Variants in GAS7 observed in about 807,000 individuals in gnomAD.
The protein encoded by GAS7 is growth arrest-specific protein 7.
A neutral mutation model predicts 71.1 loss-of-function variants in GAS7; 28 were observed. The ratio of observed to expected loss-of-function variants is 0.39; its 90% CI spans 0.29 to 0.54. The LOEUF (loss-of-function observed/expected upper bound fraction) is 0.54, where lower values mean the gene tolerates loss of function less well. Ranked by LOEUF, GAS7 falls within the 20% of genes least tolerant of loss-of-function variation. The pLI is 0.62. For synonymous variants in GAS7, 258 were observed against 245.8 expected (o/e 1.05, Z -0.46); for missense variants, 436 against 627.8 (o/e 0.69, Z 3.27).
chr17:10,020,579 T>TA lies in GAS7; in HGVS notation c.184-683dup, dbSNP rs549731525. 4.1e-4 allele frequency among the ~76,000 whole-genome samples: 62 copies of TA among 151,750 alleles called. 1 individual carries two copies. In the East Asian group the frequency reaches 7.0e-3, roughly 17 times the overall value. On this transcript the variant is annotated intron_variant, in intron 1 of 13. Coordinates refer to ENST00000432992, the MANE Select transcript of GAS7 (RefSeq NM_201433.2). ...AAATCAGAGAAAAATGTATATGACA[T>TA]ACAAAGAAACTAGATATCTAGTAGA...
chr17:10,060,824 G>A (rs1016708820), intron 1 of GAS7, among the ~76,000 whole-genome samples: 8 of 152,162 alleles, frequency 5.3e-5, no homozygotes, highest in Admixed American at 2.0e-4. Context: ...GTGGCCCAGC[G>A]ATCCCACATG....
chr17:10,128,584 G>A (rs562768640), intron 1 of GAS7, among the ~76,000 whole-genome samples: 5 of 150,138 alleles, frequency 3.3e-5, no homozygotes, highest in South Asian at 2.1e-4. Flanking sequence ...TCCCTTGCCT[G>A]TTTTCATTTT....
chr17:9,928,990 T>G (rs1567784637), intron 9 of GAS7, among the ~76,000 whole-genome samples: 1 of 152,228 alleles, frequency 6.6e-6, no homozygotes, highest in East Asian at 1.9e-4. Flanking sequence ...AAATATGTCC[T>G]ACTATTTTTT....
chr17:9,918,589 A>G (rs2067677068), intron 12 of GAS7, among the ~76,000 whole-genome samples: 1 of 152,196 alleles, frequency 6.6e-6, no homozygotes, highest in Non-Finnish European at 1.5e-5. Flanking sequence ...TGGGAGCTCC[A>G]TGCCACACAT....
rs57604032 is a variant in GAS7 at position 10,154,913 on chromosome 17, T to TACACACACACACACAC, written c.183+43279_183+43294dup. 2.1e-3 allele frequency among the ~76,000 whole-genome samples: 294 copies of TACACACACACACACAC among 142,022 alleles called. 4 individuals are homozygous for TACACACACACACACAC. Among genetic ancestry groups the TACACACACACACACAC allele is most frequent in the African/African-American group, 7.5e-3 (284 of 38,002 alleles). 93.2% of individuals were successfully genotyped at this position (142,022 alleles called of 152,430 possible). ...ATTACCCCAATCCCCAACCCCAGGC[T>TACACACACACACACAC]ACACACACACACACACACACACACA... On this transcript the variant is annotated intron_variant, in intron 1 of 13. Coordinates refer to ENST00000432992, the MANE Select transcript of GAS7 (RefSeq NM_201433.2).
chr17:10,198,006 C>T (rs1381731513), intron 1 of GAS7, among the ~76,000 whole-genome samples: 1 of 152,184 alleles, frequency 6.6e-6, no homozygotes, highest in Non-Finnish European at 1.5e-5. Context: ...CCCCGCGAGT[C>T]CGCGTTGCCC....
chr17:9,953,893 T>C (rs575076424), intron 5 of GAS7, among the ~76,000 whole-genome samples: 1 of 152,356 alleles, frequency 6.6e-6, no homozygotes, highest in East Asian at 1.9e-4. Flanking sequence ...GAGATGTTTC[T>C]TGGTGCAGTG....
At chr17:10,094,616 G>A (rs1338345476) in intron 1 of GAS7, among the ~76,000 whole-genome samples, 2 of 151,940 alleles carry the variant, frequency 1.3e-5, no homozygotes, top group Admixed American at 6.6e-5. Context: ...CCACAGACAC[G>A]CGCCACCACG....
intron 1 of GAS7, among the ~76,000 whole-genome samples, chr17:10,038,004 C>T (rs2072787841): frequency 6.6e-6 from 1 of 151,680 alleles, no homozygotes; most frequent in Non-Finnish European, 1.5e-5. Context: ...GAGGGAAATG[C>T]AAATCAAAAC....
chr17:10,028,358 G>A (rs555995906), intron 1 of GAS7, among the ~76,000 whole-genome samples: 2 of 152,270 alleles, frequency 1.3e-5, no homozygotes, highest in Admixed American at 1.3e-4. Flanking sequence ...GACAGAGTGA[G>A]ATACTGTCTC....
At chr17:10,148,479 G>A (rs1034589178) in intron 1 of GAS7, among the ~76,000 whole-genome samples, 13 of 151,678 alleles carry the variant, frequency 8.6e-5, no homozygotes, top group East Asian at 1.9e-4. Flanking sequence ...TTAGCCAGGC[G>A]TGGTGGTGCA....
chr17:9,931,899 C>T (rs1314861255), intron 9 of GAS7, among the ~76,000 whole-genome samples: 1 of 152,042 alleles, frequency 6.6e-6, no homozygotes, highest in African/African-American at 2.4e-5. Context: ...TTCTGTGTGC[C>T]GAGTACCACC....
At chr17:10,009,169 A>C (rs1032681601) in intron 2 of GAS7, among the ~76,000 whole-genome samples, 6 of 151,346 alleles carry the variant, frequency 4.0e-5, no homozygotes, top group Non-Finnish European at 7.4e-5. Context: ...AAATACAAAA[A>C]AATTAGCCGG....
At chr17:9,960,207 T>A (rs2069426052) in intron 4 of GAS7, among the ~76,000 whole-genome samples, 1 of 151,268 alleles carries the variant, frequency 6.6e-6, no homozygotes, top group Admixed American at 6.6e-5. Context: ...TTTTTTTTTT[T>A]AAGATGGAGT....
intron 1 of GAS7, among the ~76,000 whole-genome samples, chr17:10,091,894 AG>A (rs1567587986): frequency 1.3e-5 from 2 of 152,114 alleles, no homozygotes; most frequent in East Asian, 3.9e-4. Flanking sequence ...ATGTTTGCCC[AG>A]GCTGGTCTCA....
intron 2 of GAS7, among the ~76,000 whole-genome samples, chr17:9,986,743 C>A (rs768356645): frequency 6.6e-6 from 1 of 152,356 alleles, no homozygotes; most frequent in South Asian, 2.1e-4. Flanking sequence ...CCATATCCCT[C>A]CCCTCTAACC....
At chr17:9,968,857 T>C (rs1478558621) in intron 4 of GAS7, among the ~76,000 whole-genome samples, 3 of 152,260 alleles carry the variant, frequency 2.0e-5, no homozygotes, top group Non-Finnish European at 4.4e-5. Context: ...ATGATCATTA[T>C]TGTCATCATT....
chr17:10,085,340 T>A (rs2073505430), intron 1 of GAS7, among the ~76,000 whole-genome samples: 1 of 152,066 alleles, frequency 6.6e-6, no homozygotes, highest in Non-Finnish European at 1.5e-5. Flanking sequence ...TCTCAGGATC[T>A]CGATTTCCCC....
chr17:10,151,153 ACTT>A (rs1468024205), intron 1 of GAS7, among the ~76,000 whole-genome samples: 1 of 152,012 alleles, frequency 6.6e-6, no homozygotes, highest in African/African-American at 2.4e-5. Context: ...CAGATGTCAG[ACTT>A]CTTCTTTTTT....
Sources: gnomAD v4.1 joint callset for allele counts (sites outside exome capture counted in the v4.1 genomes callset) on GRCh38, gnomAD v4.1.1 for gene constraint, MANE v1.5 for transcripts, NCBI Gene and HGNC (gene_info 2026-07-23, HGNC 2026-07-21) for gene names.